Variants in ARHGAP26 observed in about 807,000 individuals in gnomAD.
ARHGAP26 encodes Rho GTPase activating protein 26, also known as rho GTPase-activating protein 26.
In ARHGAP26, 38 loss-of-function variants were observed where a neutral mutation model predicts 104.8. The observed-to-expected ratio is 0.36, with a 90% CI of 0.28 to 0.48. The LOEUF is 0.48. Among genes scored for constraint, ARHGAP26 ranks in the 20% least tolerant of loss-of-function variants. ARHGAP26 has a pLI of 0.99. For synonymous variants in ARHGAP26, 341 were observed against 340.0 expected (o/e 1.00, Z -0.03); for missense variants, 704 against 947.9 (o/e 0.74, Z 3.38).
At chr5:143,095,090 T>C (rs1280172825) in intron 17 of ARHGAP26, among the ~76,000 whole-genome samples, 1 of 151,726 alleles carries the variant, frequency 6.6e-6, no homozygotes, top group Non-Finnish European at 1.5e-5. Flanking sequence ...GACTTATGGG[T>C]TCTAAGATAA....
intron 1 of ARHGAP26, among the ~76,000 whole-genome samples, chr5:142,833,999 A>C (rs1769048398): frequency 6.6e-6 from 1 of 152,198 alleles, no homozygotes; most frequent in African/African-American, 2.4e-5. Flanking sequence ...TTAATAAGCC[A>C]TGTTCAGTTT....
intron 20 of ARHGAP26, among the ~76,000 whole-genome samples, chr5:143,157,071 C>T (rs1392321976): frequency 2.0e-5 from 3 of 151,964 alleles, no homozygotes; most frequent in East Asian, 1.9e-4. Context: ...GGATGAGCAT[C>T]GGCGTGGACA....
chr5:143,093,563 T>TCTCTTTCTCTCTCTCTGCCTCA (rs1408496412), intron 17 of ARHGAP26, among the ~76,000 whole-genome samples: 1 of 152,046 alleles, frequency 6.6e-6, no homozygotes, highest in Non-Finnish European at 1.5e-5. Flanking sequence ...TCTTTGTGTC[T>TCTCTTTCTCTCTCTCTGCCTCA]CTCTTTCTCT....
intron 5 of ARHGAP26, among the ~76,000 whole-genome samples, chr5:142,890,145 AAAAAAAATATATATATATAT>A (rs1758328382): frequency 2.4e-5 from 2 of 84,706 alleles, no homozygotes; most frequent in African/African-American, 1.0e-4. Context: ...TTAAAAAAAA[AAAAAAAATATATATATATAT>A]ATATATATAT....
rs1284059655 is a variant in ARHGAP26 at position 143,147,288 on chromosome 5, A to G, written c.1895A>G (p.Asn632Ser). 1 of 1,614,084 alleles carries G rather than the reference A, an allele frequency of 6.2e-7. No individual in the cohort carries two copies. Among genetic ancestry groups the G allele is most frequent in the Non-Finnish European group, 8.5e-7 (1 of 1,179,968 alleles). The change falls in exon 20 of 23, where the codon AAC becomes AGC. Residue 632 changes from asparagine to serine, a missense_variant. By Grantham distance (46) the Asn-to-Ser change is conservative. Coordinates refer to ENST00000645722, the MANE Select transcript of ARHGAP26 (RefSeq NM_001135608.3). The part of the protein sequence containing the change: ...SSLESVSSNP[N>S]SILNSSSSLQ... Reference sequence around the variant, plus strand: ...TTGGAATCTGTCTCATCAAATCCAAACAGCATCCTTAATTCCAGCAGCAGC... The same window carrying G: ...TTGGAATCTGTCTCATCAAATCCAAGCAGCATCCTTAATTCCAGCAGCAGC...
chr5:142,791,221 T>C (rs186675479), intron 1 of ARHGAP26, among the ~76,000 whole-genome samples: 6 of 152,098 alleles, frequency 3.9e-5, no homozygotes, highest in Admixed American at 3.3e-4. Context: ...ATAAACCAGG[T>C]GTAACTGCTC....
At chr5:143,142,206 T>C (rs1798631766) in intron 19 of ARHGAP26, among the ~76,000 whole-genome samples, 1 of 143,188 alleles carries the variant, frequency 7.0e-6, no homozygotes. Context: ...TGGCACGATC[T>C]TGGCTCACTG....
chr5:143,178,347 G>A (rs1803799376), intron 20 of ARHGAP26, among the ~76,000 whole-genome samples: 1 of 152,098 alleles, frequency 6.6e-6, no homozygotes, highest in Non-Finnish European at 1.5e-5. Flanking sequence ...CTGGACCTTT[G>A]GATTCAAAGT....
chr5:142,847,272 A>G (rs1772171027), intron 1 of ARHGAP26, among the ~76,000 whole-genome samples: 1 of 152,118 alleles, frequency 6.6e-6, no homozygotes, highest in Admixed American at 6.5e-5. Flanking sequence ...AGGTACTGTT[A>G]TCTCCTTGTT....
intron 17 of ARHGAP26, among the ~76,000 whole-genome samples, chr5:143,102,495 A>C (rs906211165): frequency 1.3e-5 from 2 of 152,242 alleles, no homozygotes; most frequent in Non-Finnish European, 2.9e-5. Context: ...GCTGATCCTC[A>C]TAAAGCTTGA....
chr5:142,962,272 T>C (rs1194675448), intron 11 of ARHGAP26, among the ~76,000 whole-genome samples: 1 of 152,240 alleles, frequency 6.6e-6, no homozygotes, highest in Admixed American at 6.5e-5. Context: ...GGTTTTTGTT[T>C]GTTTTGCCTT....
At position 143,156,735 on chromosome 5, in the gene ARHGAP26, A is replaced by G; in HGVS notation, c.1988+9354A>G. On this transcript the variant is annotated intron_variant, in intron 20 of 22. Transcript: ENST00000645722. ...ACCAGCACCCTATGATTGTCTGTGCAGTGATGACAGTACTGGGGCTTAACT... is the reference window on the plus strand; with the variant it reads ...ACCAGCACCCTATGATTGTCTGTGCGGTGATGACAGTACTGGGGCTTAACT... 1.3e-5 allele frequency among the ~76,000 whole-genome samples: 2 copies of G among 152,232 alleles called. 1 individual carries two copies. Among genetic ancestry groups the G allele is most frequent in the African/African-American group, 4.8e-5 (2 of 41,470 alleles).
intron 11 of ARHGAP26, among the ~76,000 whole-genome samples, chr5:142,990,318 G>A (rs1255960863): frequency 2.0e-5 from 3 of 152,222 alleles, no homozygotes; most frequent in Admixed American, 6.5e-5. Flanking sequence ...GTCATTTAAG[G>A]TCTTCTCTAC....
At chr5:142,774,201 A>T (rs981618624) in intron 1 of ARHGAP26, among the ~76,000 whole-genome samples, 26 of 152,260 alleles carry the variant, frequency 1.7e-4, no homozygotes, top group Admixed American at 1.6e-3. Flanking sequence ...AGTAATTGAC[A>T]TTTTGAATAT....
At chr5:143,129,390 T>G (rs1046451238) in intron 18 of ARHGAP26, among the ~76,000 whole-genome samples, 8 of 152,266 alleles carry the variant, frequency 5.3e-5, no homozygotes, top group Admixed American at 1.3e-4. Flanking sequence ...TTTTTACAGA[T>G]AAGGTCTCTG....
In ARHGAP26 at chr5:143,227,786, A is replaced by G. The variant is rs1811781983; in HGVS notation, c.*5340A>G. The stretch of plus-strand genomic sequence containing the variant: ...CAAAGTAACACCAGGACTAGAGAGA[A>G]AGAGAAAGGTGAACCATCCTAAGGA... On this transcript the variant is annotated 3_prime_UTR_variant, in exon 23 of 23. Transcript: ENST00000645722. 1 of 224,436 alleles carries G rather than the reference A, an allele frequency of 4.5e-6. No individual in the cohort carries two copies. The allele number at this position is 224,436 out of a possible 1,614,324, so 13.9% of individuals were successfully genotyped here. A position where few individuals can be genotyped will look rare whatever the true frequency, so the allele number is the denominator to read the frequency against.
At position 142,927,001 on chromosome 5, in the gene ARHGAP26, G is replaced by A. The variant is rs193067632; in HGVS notation, c.1029-5046G>A. On this transcript the variant is annotated intron_variant, in intron 10 of 22. Transcript: ENST00000645722. ...ACGCTGGGAGACAAGTAATTGAACT[G>A]CTCTATGCTACTGTTCTTTAAAACA... Among the ~76,000 whole-genome samples the A allele has an allele frequency of 2.5e-3, 375 of 152,200 alleles. 3 individuals are homozygous for A. Among genetic ancestry groups the A allele is most frequent in the African/African-American group, 7.6e-3 (317 of 41,516 alleles).
chr5:142,784,738 A>G (rs1758199324), intron 1 of ARHGAP26, among the ~76,000 whole-genome samples: 1 of 152,104 alleles, frequency 6.6e-6, no homozygotes, highest in Non-Finnish European at 1.5e-5. Context: ...TTCACACGAC[A>G]CAATTTACCC....
At chr5:143,101,292 G>A (rs1793195965) in intron 17 of ARHGAP26, among the ~76,000 whole-genome samples, 1 of 152,162 alleles carries the variant, frequency 6.6e-6, no homozygotes, top group Admixed American at 6.5e-5. Context: ...TCTGGTTCGA[G>A]TGTGTCATTT....
Sources: allele counts gnomAD v4.1 joint callset (sites outside exome capture counted in the v4.1 genomes callset), GRCh38; gene constraint gnomAD v4.1.1; transcripts MANE v1.5; gene names NCBI Gene and HGNC (gene_info 2026-07-23, HGNC 2026-07-21).